The following GLIS3 variants were observed in gnomAD, a reference collection of about 807,000 sequenced individuals.
The protein encoded by GLIS3 is GLIS family zinc finger 3.
GLIS3 carries 53 observed loss-of-function variants against 78.6 expected under a neutral mutation model. The observed-to-expected ratio is 0.67, with a 90% CI of 0.54 to 0.85. The LOEUF (loss-of-function observed/expected upper bound fraction) is 0.85, where lower values mean the gene tolerates loss of function less well. GLIS3 is among the 40% of genes least tolerant of loss of function. GLIS3 has a pLI of 0.00. For synonymous variants in GLIS3, 684 were observed against 509.9 expected (o/e 1.34, Z -4.60); for missense variants, 1,703 against 1,231.1 (o/e 1.38, Z -5.74).
chr9:4,081,945 T>C (rs868502929), intron 4 of GLIS3, among the ~76,000 whole-genome samples: 1 of 152,210 alleles, frequency 6.6e-6, no homozygotes, highest in African/African-American at 2.4e-5. Flanking sequence ...GATCACTAAA[T>C]AGAAAAATTC....
chr9:4,086,810 C>T (rs1033886853), intron 4 of GLIS3, among the ~76,000 whole-genome samples: 2 of 152,212 alleles, frequency 1.3e-5, no homozygotes, highest in African/African-American at 2.4e-5. Flanking sequence ...ACTTGAATAA[C>T]CCCTGTGGAG....
At chr9:4,480,305 A>G in the GLIS3 span, among the ~76,000 whole-genome samples, 1 of 151,008 alleles carries the variant, frequency 6.6e-6, no homozygotes, top group African/African-American at 2.4e-5. Flanking sequence ...CCCAAGTTCA[A>G]ATAACCCTCC....
At chr9:4,106,780 A>G (rs952294901) in intron 4 of GLIS3, among the ~76,000 whole-genome samples, 2 of 152,202 alleles carry the variant, frequency 1.3e-5, no homozygotes, top group Admixed American at 6.5e-5. Flanking sequence ...ACTCTCAGTG[A>G]TTCATCTATA....
chr9:4,230,222 C>T (rs1356170573), intron 2 of GLIS3, among the ~76,000 whole-genome samples: 1 of 152,134 alleles, frequency 6.6e-6, no homozygotes, highest in Non-Finnish European at 1.5e-5. Flanking sequence ...CGTCATCAGC[C>T]TTAAAGGCCC....
At chr9:4,096,376 G>A (rs1278559931) in intron 4 of GLIS3, among the ~76,000 whole-genome samples, 1 of 152,184 alleles carries the variant, frequency 6.6e-6, no homozygotes, top group East Asian at 1.9e-4. Context: ...AAGGTCATTT[G>A]TATTGTTAAC....
At chr9:3,866,853 C>T (rs777875240) in intron 8 of GLIS3, among the ~76,000 whole-genome samples, 1 of 151,546 alleles carries the variant, frequency 6.6e-6, no homozygotes, top group Non-Finnish European at 1.5e-5. Flanking sequence ...AGAGCAGTGC[C>T]ATGTGTGAGC....
intron 2 of GLIS3, among the ~76,000 whole-genome samples, chr9:4,165,336 G>T (rs1835795297): frequency 6.6e-6 from 1 of 152,200 alleles, no homozygotes; most frequent in South Asian, 2.1e-4. Flanking sequence ...AGTTACTCGG[G>T]AGGCTGAGGC....
chr9:4,240,402 G>A (rs990634164), intron 2 of GLIS3, among the ~76,000 whole-genome samples: 7 of 152,134 alleles, frequency 4.6e-5, no homozygotes, highest in Admixed American at 4.6e-4. Flanking sequence ...CTCACCTCCT[G>A]CTGTGGGACC....
intron 4 of GLIS3, among the ~76,000 whole-genome samples, chr9:4,086,763 C>G (rs1718504674): frequency 6.6e-6 from 1 of 152,200 alleles, no homozygotes; most frequent in African/African-American, 2.4e-5. Flanking sequence ...GGACTTTCAG[C>G]ATCATGAACA....
upstream of GLIS3, among the ~76,000 whole-genome samples, chr9:4,350,696 C>T (rs1236888503): frequency 6.6e-6 from 1 of 152,154 alleles, no homozygotes; most frequent in Non-Finnish European, 1.5e-5. Context: ...TAATATCCTC[C>T]TTCATTCTGG....
chr9:4,191,867 G>C (rs543170778), intron 2 of GLIS3, among the ~76,000 whole-genome samples: 4 of 151,714 alleles, frequency 2.6e-5, no homozygotes, highest in South Asian at 4.1e-4. Context: ...AAGAGAGAAA[G>C]AAAAATTAAT....
intron 4 of GLIS3, among the ~76,000 whole-genome samples, chr9:4,047,799 T>C (rs1388080163): frequency 1.3e-5 from 2 of 152,196 alleles, no homozygotes; most frequent in South Asian, 2.1e-4. Flanking sequence ...CTGGGTGTTA[T>C]GGCTCCAAAG....
chr9:3,953,795 C>CTCTATATATATATA (rs1403671770), intron 4 of GLIS3, among the ~76,000 whole-genome samples: 27 of 73,314 alleles, frequency 3.7e-4, no homozygotes, highest in African/African-American at 1.2e-3. Context: ...CTCTCTCTCT[C>CTCTATATATATATA]TATATATATA....
chr9:4,083,383 A>G (rs1482573415), intron 4 of GLIS3, among the ~76,000 whole-genome samples: 4 of 152,122 alleles, frequency 2.6e-5, no homozygotes, highest in Non-Finnish European at 5.9e-5. Flanking sequence ...CCCTCTAGGT[A>G]GCTGCTACTA....
chr9:4,377,714 ATATAG>A, the GLIS3 span, among the ~76,000 whole-genome samples: 10 of 152,300 alleles, frequency 6.6e-5, no homozygotes, highest in East Asian at 1.5e-3. Flanking sequence ...TATTATTGTT[ATATAG>A]TATAAGATGC....
At chr9:4,044,326 A>G (rs1444555211) in intron 4 of GLIS3, among the ~76,000 whole-genome samples, 3 of 152,214 alleles carry the variant, frequency 2.0e-5, no homozygotes, top group Admixed American at 1.3e-4. Flanking sequence ...GATCTGTACG[A>G]AGACTGTAGG....
intron 8 of GLIS3, 53 bp downstream of exon 8, chr9:3,879,374 G>T: frequency 1.3e-6 from 2 of 1,553,230 alleles, no homozygotes; most frequent in Non-Finnish European, 1.8e-6. Flanking sequence ...ACTTGTCTGT[G>T]AAGGGAGGTT....
chr9:4,143,599 C>G (rs1201838006), intron 2 of GLIS3, among the ~76,000 whole-genome samples: 1 of 151,988 alleles, frequency 6.6e-6, no homozygotes, highest in Non-Finnish European at 1.5e-5. Flanking sequence ...AAACTACTCT[C>G]TTAATAAATT....
the GLIS3 span, among the ~76,000 whole-genome samples, chr9:4,479,375 CT>C: frequency 1.3e-5 from 2 of 152,216 alleles, no homozygotes; most frequent in Non-Finnish European, 1.5e-5. Flanking sequence ...CCCTGTGGGC[CT>C]TTGTGGATAA....
Sources: gnomAD v4.1 joint callset for allele counts (sites outside exome capture counted in the v4.1 genomes callset) on GRCh38, gnomAD v4.1.1 for gene constraint, MANE v1.5 for transcripts, NCBI Gene and HGNC (gene_info 2026-07-23, HGNC 2026-07-21) for gene names.